VPS26B: variants seen among roughly 807,000 people sequenced by gnomAD.
VPS26B encodes vacuolar protein sorting-associated protein 26B.
In VPS26B, 10 loss-of-function variants were observed where a neutral mutation model predicts 33.3. The observed-to-expected ratio is 0.30, with a 90% CI of 0.19 to 0.51. The LOEUF (loss-of-function observed/expected upper bound fraction) is 0.51, where lower values mean the gene tolerates loss of function less well. VPS26B is among the 20% of genes least tolerant of loss of function. VPS26B has a pLI of 0.98. For missense variants in VPS26B, 317 were observed against 452.7 expected (o/e 0.70, Z 2.72); for synonymous variants, 190 against 176.9 (o/e 1.07, Z -0.59).
At chr11:134,233,506 G>A (rs1332108794) in intron 1 of VPS26B, among the ~76,000 whole-genome samples, 1 of 152,336 alleles carries the variant, frequency 6.6e-6, no homozygotes, top group East Asian at 1.9e-4. Flanking sequence ...GTTAGATCAC[G>A]AGGTCAGGAG....
chr11:134,240,285 T>G lies in VPS26B; in HGVS notation c.545+130T>G. 1 of 1,049,834 alleles carries G rather than the reference T, an allele frequency of 9.5e-7. No individual in the cohort carries two copies. The highest frequency in any genetic ancestry group is 1.4e-6 in the Non-Finnish European group (1 of 706,758). 65.0% of individuals were successfully genotyped at this position (1,049,834 alleles called of 1,614,324 possible). ...GGTGGCATGCGGTGGGGGAAGACCG[T>G]GGGAGCAATCCAGTGAGTGTCTATG... On this transcript the variant is annotated intron_variant, in intron 3 of 5. Transcript: ENST00000281187. This position sits in a 1 kb window ranked among gnomAD's most constrained non-coding sequence, Gnocchi z 4.4.
intron 1 of VPS26B, among the ~76,000 whole-genome samples, chr11:134,234,158 T>C (rs1167944917): frequency 6.6e-6 from 1 of 152,142 alleles, no homozygotes; most frequent in Non-Finnish European, 1.5e-5. Flanking sequence ...CTGATTTCAG[T>C]GGAGGGAATA....
chr11:134,240,056 T>C lies in VPS26B; in HGVS notation c.446T>C (p.Val149Ala). 6.2e-7 allele frequency: 1 copy of C among 1,614,196 alleles called. No homozygotes were observed. The highest frequency in any genetic ancestry group is 8.5e-7 in the Non-Finnish European group (1 of 1,180,038). Reference protein sequence around the residue: ...NDVVKEMDIVVHTLSTYPELN... With the variant: ...NDVVKEMDIVAHTLSTYPELN... Reference sequence around the variant, plus strand: ...GTTGTCAAAGAGATGGACATTGTAGTTCACACACTCAGCACATACCCAGAG... The same window carrying C: ...GTTGTCAAAGAGATGGACATTGTAGCTCACACACTCAGCACATACCCAGAG... Residue 149 changes from valine to alanine, a missense_variant, in exon 3 of 6, where the codon GTT (valine) becomes GCT (alanine). Transcript: ENST00000281187. The surrounding 1 kb of genome is among the most constrained non-coding windows in gnomAD (Gnocchi z 4.4).
At position 134,225,135 on chromosome 11, in the gene VPS26B, G is replaced by A; in HGVS notation, c.13G>A (p.Gly5Ser). MSFF[G>S]FGQSVEVEIL... ...GCCCGGCGGTGCGATGAGCTTCTTC[G>A]GCTTCGGGCAGAGCGTGGAGGTGGA... Residue 5 changes from glycine to serine, a missense_variant, in exon 1 of 6, where the codon GGC becomes AGC. By Grantham distance (56) the Gly-to-Ser change is moderately conservative. Coordinates refer to ENST00000281187, the MANE Select transcript of VPS26B (RefSeq NM_052875.5). The A allele has an allele frequency of 4.4e-6, 7 of 1,607,108 alleles. No individual in the cohort carries two copies. Among genetic ancestry groups the A allele is most frequent in the Non-Finnish European group, 6.0e-6 (7 of 1,175,354 alleles).
At chr11:134,231,849 C>T (rs1938560062) in intron 1 of VPS26B, among the ~76,000 whole-genome samples, 1 of 152,222 alleles carries the variant, frequency 6.6e-6, no homozygotes, top group African/African-American at 2.4e-5. Flanking sequence ...AGGCATGAAC[C>T]ACTACGCCTG....
At position 134,234,818 on chromosome 11, in the gene VPS26B, A is replaced by ACAGCCTC. The variant is rs1565356385; in HGVS notation, c.224-73_224-67dup. On this transcript the variant is annotated intron_variant, in intron 1 of 5. Coordinates refer to ENST00000281187, the MANE Select transcript of VPS26B (RefSeq NM_052875.5). ...TTCCAGAAAGCAGTCCCTCCAGCCT[A>ACAGCCTC]CAGCCTCCAGCCCCCTACTCGGCCC... 6 of 1,545,576 alleles carry ACAGCCTC rather than the reference A, an allele frequency of 3.9e-6. No homozygotes were observed. The African/African-American group carries it at 8.2e-5, about 21-fold the overall frequency.
intron 2 of VPS26B, among the ~76,000 whole-genome samples, chr11:134,238,698 C>T (rs1374638687): frequency 6.6e-6 from 1 of 152,176 alleles, no homozygotes; most frequent in Non-Finnish European, 1.5e-5. Flanking sequence ...TGGGTTCACG[C>T]CATTCTCCTG....
At position 134,240,778 on chromosome 11, in the gene VPS26B, T is replaced by TCC. The variant is rs1938707377; in HGVS notation, c.545+623_545+624insCC. 7.3e-6 allele frequency among the ~76,000 whole-genome samples: 1 copy of TCC among 137,888 alleles called. No homozygotes were observed. The highest frequency in any genetic ancestry group is 1.5e-5 in the Non-Finnish European group (1 of 64,686). The allele number at this position is 137,888 out of a possible 152,430, so 90.5% of individuals were successfully genotyped here. On this transcript the variant is annotated intron_variant, in intron 3 of 5. Coordinates refer to ENST00000281187, the MANE Select transcript of VPS26B (RefSeq NM_052875.5). This position sits in a 1 kb window ranked among gnomAD's most constrained non-coding sequence, Gnocchi z 4.4. ...CACACCCAGCTAATTTGTGTCCGTG[T>TCC]GTGTGTGTGTGTGTCCGTGTGTGTG... is the stretch of plus-strand genomic sequence containing the variant.
chr11:134,244,552 G>C lies in VPS26B; in HGVS notation c.722-386G>C, dbSNP rs1938781299. The C allele has an allele frequency of 5.9e-6, 1 of 169,602 alleles. No individual in the cohort carries two copies. Among genetic ancestry groups the C allele is most frequent in the African/African-American group, 2.4e-5 (1 of 41,928 alleles). The allele number at this position is 169,602 out of a possible 1,614,324, so 10.5% of individuals were successfully genotyped here. ...GGATGTATTTTGGGGGGCATACACT[G>C]AGGATGGAGAAAGATGGCATCAGAA... is the stretch of plus-strand genomic sequence containing the variant. On this transcript the variant is annotated intron_variant, in intron 4 of 5. Coordinates refer to ENST00000281187, the MANE Select transcript of VPS26B (RefSeq NM_052875.5). The surrounding 1 kb of genome is among the most constrained non-coding windows in gnomAD (Gnocchi z 4.0).
intron 1 of VPS26B, 149 bp downstream of exon 1, chr11:134,225,494 T>C (rs1938437395): frequency 1.3e-6 from 1 of 777,390 alleles, no homozygotes; most frequent in Non-Finnish European, 2.1e-6. Context: ...GTCCCGCCCG[T>C]GGGCGACTCC....
intron 4 of VPS26B, chr11:134,243,612 T>G (rs1320470382): frequency 3.5e-6 from 1 of 286,420 alleles, no homozygotes; most frequent in African/African-American, 2.2e-5. Context: ...TTGAAAACGT[T>G]TCTGCTTCTT....
At chr11:134,241,486 G>T (rs1488470592) in intron 3 of VPS26B, among the ~76,000 whole-genome samples, 3 of 152,196 alleles carry the variant, frequency 2.0e-5, no homozygotes, top group Non-Finnish European at 1.5e-5. Context: ...AGGTGGGAGG[G>T]AGGCTGATCT....
intron 1 of VPS26B, among the ~76,000 whole-genome samples, chr11:134,229,899 C>T (rs545672286): frequency 3.6e-4 from 55 of 152,330 alleles, no homozygotes; most frequent in African/African-American, 1.3e-3. Flanking sequence ...TCTTTCCAGC[C>T]TCGTCTCCCC....
chr11:134,246,539 T>C lies in VPS26B; in HGVS notation c.*949T>C, dbSNP rs1475866219. On this transcript the variant is annotated 3_prime_UTR_variant, in exon 6 of 6. Transcript: ENST00000281187. ...TCACCCTCCATTTCATTTCTGGGAA[T>C]TGGGGCTTAGTTTCGAACCTTTGGC... 1 of 152,428 alleles carries C rather than the reference T, an allele frequency of 6.6e-6. No individual in the cohort carries two copies. The allele number at this position is 152,428 out of a possible 1,614,324, so 9.4% of individuals were successfully genotyped here. A position where few individuals can be genotyped will look rare whatever the true frequency, so the allele number is the denominator to read the frequency against.
chr11:134,226,296 C>G (rs1368946686), intron 1 of VPS26B, among the ~76,000 whole-genome samples: 1 of 152,080 alleles, frequency 6.6e-6, no homozygotes, highest in African/African-American at 2.4e-5. Flanking sequence ...GTCCTAGCTC[C>G]TCGGGGGGCT....
intron 1 of VPS26B, among the ~76,000 whole-genome samples, chr11:134,232,707 C>G (rs1367149698): frequency 1.3e-5 from 2 of 152,194 alleles, no homozygotes; most frequent in Non-Finnish European, 2.9e-5. Flanking sequence ...TTTTTCCATC[C>G]TTTTCTTCTC....
chr11:134,236,162 T>G lies in VPS26B; in HGVS notation c.380+1109T>G, dbSNP rs137916319. 7.0e-3 allele frequency among the ~76,000 whole-genome samples: 1,067 copies of G among 152,074 alleles called. 10 individuals carry two copies. The highest frequency in any genetic ancestry group is 0.024 in the African/African-American group (1,005 of 41,374). On this transcript the variant is annotated intron_variant, in intron 2 of 5. Transcript: ENST00000281187. Reference sequence around the variant, plus strand: ...CTATCTCTACGAAAAAAAAAAATTTTTTTAATTTTTTTAAAAGAAAAAAAA... The same window carrying G: ...CTATCTCTACGAAAAAAAAAAATTTGTTTAATTTTTTTAAAAGAAAAAAAA...
At position 134,244,918 on chromosome 11, in the gene VPS26B, C is replaced by T; in HGVS notation, c.722-20C>T. The stretch of plus-strand genomic sequence containing the variant: ...GGCATCACCTTGCCCCCTGTGCTGA[C>T]TCCTGCCCTCCCCCTACAGGAGAGT... On this transcript the variant is annotated intron_variant, in intron 4 of 5. Transcript: ENST00000281187. This position sits in a 1 kb window ranked among gnomAD's most constrained non-coding sequence, Gnocchi z 4.0. 6.2e-7 allele frequency: 1 copy of T among 1,609,476 alleles called. No homozygotes were observed. Among genetic ancestry groups the T allele is most frequent in the Non-Finnish European group, 8.5e-7 (1 of 1,179,456 alleles).
chr11:134,229,389 T>C (rs913310096), intron 1 of VPS26B, among the ~76,000 whole-genome samples: 2 of 152,202 alleles, frequency 1.3e-5, no homozygotes, highest in African/African-American at 4.8e-5. Context: ...CTTCTGAGTT[T>C]CACACGTCTT....
Sources: gnomAD v4.1 joint callset for allele counts (sites outside exome capture counted in the v4.1 genomes callset) on GRCh38, gnomAD v4.1.1 for gene constraint, Gnocchi (gnomAD v3.1) non-coding constraint, MANE v1.5 for transcripts, NCBI Gene and HGNC (gene_info 2026-07-23, HGNC 2026-07-21) for gene names.